PACS1: variants seen among roughly 807,000 people sequenced by gnomAD.
The protein encoded by PACS1 is PACS-1.
Under a neutral mutation model 115.0 loss-of-function variants are expected in PACS1, and 24 were observed. The observed-to-expected ratio is 0.21, with a 90% CI of 0.15 to 0.29. The LOEUF is 0.29. Ranked by LOEUF, PACS1 falls within the 10% of genes least tolerant of loss-of-function variation. PACS1 has a pLI of 1.00. For missense variants in PACS1, 838 were observed against 1,251.2 expected (o/e 0.67, Z 4.98); for synonymous variants, 453 against 504.5 (o/e 0.90, Z 1.37).
intron 2 of PACS1, among the ~76,000 whole-genome samples, chr11:66,208,658 T>TAAA (rs769442696): frequency 4.4e-5 from 5 of 112,482 alleles, no homozygotes; most frequent in Non-Finnish European, 7.1e-5. Context: ...CTCTTTTTAT[T>TAAA]AAAAAAAAAA....
chr11:66,118,769 C>CAAAAAAAAAAAAAAAAAAA (rs397945291), intron 1 of PACS1, among the ~76,000 whole-genome samples: 81 of 83,486 alleles, frequency 9.7e-4, no homozygotes, highest in Non-Finnish European at 1.1e-3. Flanking sequence ...CCCATGTCTA[C>CAAAAAAAAAAAAAAAAAAA]AAAAAAAAAA....
intron 9 of PACS1, 47 bp from the exon 10 acceptor site, chr11:66,221,107 G>C (rs1855334034): frequency 6.4e-7 from 1 of 1,556,072 alleles, no homozygotes; most frequent in South Asian, 1.1e-5. Context: ...CCAGCATGCT[G>C]TTCTGAGCCC....
chr11:66,121,168 G>A (rs564278719), intron 1 of PACS1: 11 of 438,770 alleles, frequency 2.5e-5, no homozygotes, highest in Admixed American at 1.2e-4. Flanking sequence ...TTTTATTATT[G>A]TGTTGGTTAC....
At position 66,236,535 on chromosome 11, in the gene PACS1, T is replaced by TAGTA. The variant is rs1855708041; in HGVS notation, c.2250+595_2250+596insAGTA. 6.6e-6 allele frequency among the ~76,000 whole-genome samples: 1 copy of TAGTA among 150,716 alleles called. No homozygotes were observed. Among genetic ancestry groups the TAGTA allele is most frequent in the Admixed American group, 6.6e-5 (1 of 15,250 alleles). On this transcript the variant is annotated intron_variant, in intron 19 of 23. Transcript: ENST00000320580. The surrounding 1 kb of genome is among the most constrained non-coding windows in gnomAD (Gnocchi z 4.2). ...AGGAGAAATCTCTATACTAGTAAAC[T>TAGTA]TTGAAAGTCAAGGAAGAACCCCGTG... is the stretch of plus-strand genomic sequence containing the variant.
intron 1 of PACS1, among the ~76,000 whole-genome samples, chr11:66,122,991 T>C (rs1051591012): frequency 6.6e-6 from 1 of 152,230 alleles, no homozygotes; most frequent in Non-Finnish European, 1.5e-5. Context: ...CTATCAAATG[T>C]ATTGCATACT....
chr11:66,202,742 A>AAAAAATATATATAT (rs1200930188), intron 2 of PACS1, among the ~76,000 whole-genome samples: 1 of 71,608 alleles, frequency 1.4e-5, no homozygotes, highest in African/African-American at 7.9e-5. Context: ...AAAAAAAAAA[A>AAAAAATATATATAT]ATATATATAT....
At chr11:66,229,639 A>T (rs1402325628) in intron 11 of PACS1, among the ~76,000 whole-genome samples, 1 of 152,158 alleles carries the variant, frequency 6.6e-6, no homozygotes, top group African/African-American at 2.4e-5. Context: ...AGATCGCGCC[A>T]CTGCACTCCA....
intron 1 of PACS1, among the ~76,000 whole-genome samples, chr11:66,170,909 C>CAAA (rs200066946): frequency 2.1e-5 from 2 of 94,528 alleles, no homozygotes; most frequent in East Asian, 5.2e-4. Context: ...AACCCTGTCT[C>CAAA]AAAAAAAAAA....
chr11:66,084,430 A>T (rs1857534724), intron 1 of PACS1, among the ~76,000 whole-genome samples: 1 of 152,014 alleles, frequency 6.6e-6, no homozygotes, highest in Admixed American at 6.6e-5. Context: ...GTGAGATGGG[A>T]AGTCACTGGG....
rs137895644 is a variant in PACS1 at position 66,229,427 on chromosome 11, C to T, written c.1375-1121C>T. On this transcript the variant is annotated intron_variant, in intron 11 of 23. Transcript: ENST00000320580. ...AGGATGTCAGGAATTAGGCTGGGGG[C>T]GGTGGTTCATGCCTGTAATCCCAGC... is the stretch of plus-strand genomic sequence containing the variant. Among the ~76,000 whole-genome samples the T allele has an allele frequency of 2.6e-5, 4 of 151,374 alleles. No individual in the cohort carries two copies. The East Asian group carries it at 7.8e-4, about 30-fold the overall frequency.
intron 1 of PACS1, among the ~76,000 whole-genome samples, chr11:66,104,322 A>G (rs1475661226): frequency 6.6e-6 from 1 of 152,216 alleles, no homozygotes; most frequent in Non-Finnish European, 1.5e-5. Flanking sequence ...CCAGTTGAGG[A>G]CAGCACGTGT....
intron 1 of PACS1, among the ~76,000 whole-genome samples, chr11:66,166,036 C>G (rs958801147): frequency 6.6e-6 from 1 of 152,178 alleles, no homozygotes; most frequent in African/African-American, 2.4e-5. Flanking sequence ...AAATCATTTT[C>G]TATCACCCCT....
At chr11:66,224,500 G>C (rs1157112390) in intron 10 of PACS1, among the ~76,000 whole-genome samples, 1 of 152,212 alleles carries the variant, frequency 6.6e-6, no homozygotes, top group Non-Finnish European at 1.5e-5. Context: ...ACTGCTCATT[G>C]CTCACCGACT....
chr11:66,186,114 T>G (rs1185673526), intron 1 of PACS1, among the ~76,000 whole-genome samples: 1 of 151,958 alleles, frequency 6.6e-6, no homozygotes, highest in Non-Finnish European at 1.5e-5. Context: ...AAAAAAAATT[T>G]TTTTTTTCTA....
At position 66,241,511 on chromosome 11, in the gene PACS1, C is replaced by T. The variant is rs199684328; in HGVS notation, c.2514C>T (p.Gly838=). The T allele has an allele frequency of 2.2e-5, 35 of 1,614,008 alleles. No individual in the cohort carries two copies. The highest frequency in any genetic ancestry group is 1.9e-4 in the African/African-American group (14 of 75,054). Residue 838 remains glycine, a synonymous_variant, in exon 22 of 24, where the codon GGC becomes GGT. Coordinates refer to ENST00000320580, the MANE Select transcript of PACS1 (RefSeq NM_018026.4). ...LGHPGERRRE[G]DKRDASSKNT... ...ACCCCGGGGAGCGGAGGAGGGAAGG[C>T]GACAAGAGGGACGCCAGCTCGAAGA... is the stretch of plus-strand genomic sequence containing the variant.
In PACS1 at chr11:66,072,891, A is replaced by G. The variant is rs1806781067; in HGVS notation, c.356+2049A>G. Among the ~76,000 whole-genome samples the G allele has an allele frequency of 2.0e-5, 3 of 152,234 alleles. No homozygotes were observed. The South Asian group carries it at 6.2e-4, about 31-fold the overall frequency. ...GCAGCAGAGGGGCGTGAATGAAATC[A>G]TTGACTGCTGTTGATGTTTGGTCTG... On this transcript the variant is annotated intron_variant, in intron 1 of 23. Transcript: ENST00000320580.
chr11:66,195,162 T>G (rs1465209772), intron 2 of PACS1, among the ~76,000 whole-genome samples: 1 of 152,134 alleles, frequency 6.6e-6, no homozygotes, highest in African/African-American at 2.4e-5. Flanking sequence ...TGCAGTGAGC[T>G]GAGATTGTGC....
intron 19 of PACS1, 97 bp from the exon 20 acceptor site, chr11:66,238,707 T>C (rs187422821): frequency 2.9e-5 from 32 of 1,099,186 alleles, no homozygotes; most frequent in South Asian, 1.3e-4. Context: ...AAATAATGTG[T>C]AGTGATGGCT....
chr11:66,239,928 G>A (rs1035692215), intron 21 of PACS1, among the ~76,000 whole-genome samples: 1 of 152,256 alleles, frequency 6.6e-6, no homozygotes. Flanking sequence ...GGCCAAGGCC[G>A]GAGGATCGCT....
Sources: gnomAD v4.1 joint callset for allele counts (sites outside exome capture counted in the v4.1 genomes callset) on GRCh38, gnomAD v4.1.1 for gene constraint, Gnocchi (gnomAD v3.1) non-coding constraint, MANE v1.5 for transcripts, NCBI Gene and HGNC (gene_info 2026-07-23, HGNC 2026-07-21) for gene names.